Variants in KAZN observed in about 807,000 individuals in gnomAD.
KAZN encodes the protein kazrin.
KAZN carries 40 observed loss-of-function variants against 87.4 expected under a neutral mutation model. The ratio of observed to expected loss-of-function variants is 0.46; its 90% confidence interval spans 0.36 to 0.60. KAZN has a LOEUF of 0.60. Among genes scored for constraint, KAZN ranks in the 20% least tolerant of loss-of-function variants. KAZN has a pLI of 0.00. For synonymous variants in KAZN, 466 were observed against 458.3 expected, an observed-to-expected ratio of 1.02 and a Z score of -0.22; for missense variants, 898 against 1,073.9, an observed-to-expected ratio of 0.84 and a Z score of 2.29.
At chr1:14,110,221 A>C (rs1299320406) in intron 1 of KAZN, among the ~76,000 whole-genome samples, 2 of 152,288 alleles carry the variant, frequency 1.3e-5, no homozygotes, top group East Asian at 3.9e-4. Context: ...CGTTTCCTTC[A>C]CGTGCAAATT....
chr1:15,014,695 C>G (rs1669903107), intron 2 of KAZN, among the ~76,000 whole-genome samples: 1 of 151,974 alleles, frequency 6.6e-6, no homozygotes, highest in Admixed American at 6.6e-5. Context: ...ATACCTCTTG[C>G]TTAGAGCTAA....
chr1:14,364,412 A>G (rs1275378412), intron 2 of KAZN, among the ~76,000 whole-genome samples: 1 of 152,214 alleles, frequency 6.6e-6, no homozygotes, highest in East Asian at 1.9e-4. Flanking sequence ...TGAAGCATGC[A>G]GCATGAGCAC....
intron 1 of KAZN, among the ~76,000 whole-genome samples, chr1:14,788,157 T>C (rs1202052651): frequency 6.6e-6 from 1 of 152,138 alleles, no homozygotes; most frequent in Non-Finnish European, 1.5e-5. Flanking sequence ...TGCACCTGCC[T>C]GGGTTGCATG....
chr1:14,305,839 C>T (rs1338621529), intron 2 of KAZN, among the ~76,000 whole-genome samples: 1 of 152,114 alleles, frequency 6.6e-6, no homozygotes, highest in Admixed American at 6.5e-5. Flanking sequence ...TTATGGCTCA[C>T]ATATGTTTGC....
chr1:14,599,230 T>C lies in KAZN; in HGVS notation c.226+7T>C. 1 of 1,372,726 alleles carries C rather than the reference T, an allele frequency of 7.3e-7. No homozygotes were observed. Among genetic ancestry groups the C allele is most frequent in the Non-Finnish European group, 9.4e-7 (1 of 1,066,766 alleles). The allele number at this position is 1,372,726 out of a possible 1,614,324, so 85.0% of individuals were successfully genotyped here. On this transcript the variant is annotated splice_region_variant and intron_variant, in intron 1 of 14. Transcript: ENST00000376030. The surrounding 1 kb of genome is among the most constrained non-coding windows in gnomAD (Gnocchi z 4.4). ...CCCCAGCTTGGAGCGCAAGGTAGGA[T>C]CGCCCCGGCGCCCAGGGCGGAGGAA...
intron 2 of KAZN, among the ~76,000 whole-genome samples, chr1:14,430,929 C>T (rs919614408): frequency 5.3e-5 from 8 of 152,234 alleles, no homozygotes; most frequent in Non-Finnish European, 1.0e-4. Flanking sequence ...TCAGCTCTGT[C>T]GCCACAGCCT....
At chr1:14,112,134 C>G (rs1437683126) in intron 1 of KAZN, among the ~76,000 whole-genome samples, 1 of 86,220 alleles carries the variant, frequency 1.2e-5, no homozygotes, top group East Asian at 7.5e-4. Flanking sequence ...TGACTGCTGA[C>G]TTCTGACCCA....
At chr1:14,611,917 A>G (rs747966627) in intron 1 of KAZN, among the ~76,000 whole-genome samples, 4 of 152,234 alleles carry the variant, frequency 2.6e-5, no homozygotes, top group Non-Finnish European at 4.4e-5. Flanking sequence ...GCACTTCCTC[A>G]AATCTGCTGT....
At chr1:14,399,460 T>TA (rs1663196438) in intron 2 of KAZN, among the ~76,000 whole-genome samples, 1 of 152,108 alleles carries the variant, frequency 6.6e-6, no homozygotes, top group South Asian at 2.1e-4. Flanking sequence ...GATACCTTGA[T>TA]AGTCATTGGT....
intron 1 of KAZN, among the ~76,000 whole-genome samples, chr1:14,608,648 A>G (rs1677564921): frequency 6.6e-6 from 1 of 152,202 alleles, no homozygotes; most frequent in South Asian, 2.1e-4. Context: ...GAAGATGTGG[A>G]TGATACTGGG....
chr1:14,431,115 G>A (rs986841922), intron 2 of KAZN, among the ~76,000 whole-genome samples: 9 of 152,230 alleles, frequency 5.9e-5, no homozygotes, highest in African/African-American at 2.2e-4. Flanking sequence ...AAATGAATAC[G>A]CATATTGAAG....
chr1:15,026,519 AAGC>A (rs1163308672), intron 2 of KAZN, among the ~76,000 whole-genome samples: 1 of 152,084 alleles, frequency 6.6e-6, no homozygotes, highest in Admixed American at 6.6e-5. Context: ...CGGGGGAAAA[AAGC>A]AGCACCAGAA....
intron 2 of KAZN, among the ~76,000 whole-genome samples, chr1:14,401,780 GAATC>G (rs956489985): frequency 2.0e-5 from 3 of 152,058 alleles, no homozygotes; most frequent in East Asian, 1.9e-4. Context: ...AGTAGGTACA[GAATC>G]AATCATTAGT....
chr1:14,549,484 A>AC (rs1158420586), intron 2 of KAZN, among the ~76,000 whole-genome samples: 3 of 152,198 alleles, frequency 2.0e-5, no homozygotes, highest in Admixed American at 2.0e-4. Flanking sequence ...TGTGGCCCAG[A>AC]CACAGGATGG....
chr1:14,218,756 CTA>C (rs901203144), intron 2 of KAZN, among the ~76,000 whole-genome samples: 1 of 151,986 alleles, frequency 6.6e-6, no homozygotes, highest in Admixed American at 6.6e-5. Flanking sequence ...TCTGTCTTTT[CTA>C]TATGAGTTTC....
Position 15,063,359 on chromosome 1 carries a change from C to G in KAZN, c.1048-213C>G, listed in dbSNP as rs540416859. On this transcript the variant is annotated intron_variant, in intron 6 of 14. Transcript: ENST00000376030. ...GAGGCCAGACTGGGCAGGAGAGGACCCCAGGAACTCTAGGGAAACTCCAGG... is the reference window on the plus strand; with the variant it reads ...GAGGCCAGACTGGGCAGGAGAGGACGCCAGGAACTCTAGGGAAACTCCAGG... The G allele has an allele frequency of 4.5e-3, 2,649 of 588,642 alleles. 55 individuals carry two copies. The highest frequency in any genetic ancestry group is 0.034 in the South Asian group (1,698 of 49,926). 36.5% of individuals were successfully genotyped at this position (588,642 alleles called of 1,614,324 possible). A position where few individuals can be genotyped will look rare whatever the true frequency, so the allele number is the denominator to read the frequency against.
At chr1:14,665,947 A>G (rs937266446) in intron 1 of KAZN, among the ~76,000 whole-genome samples, 43 of 151,904 alleles carry the variant, frequency 2.8e-4, no homozygotes, top group African/African-American at 9.4e-4. Flanking sequence ...AAAAAAAAAA[A>G]AAAAAATAAC....
intron 1 of KAZN, among the ~76,000 whole-genome samples, chr1:14,125,544 G>T (rs1270423945): frequency 6.6e-6 from 1 of 152,132 alleles, no homozygotes. Context: ...GAGGCAGAGA[G>T]CTGGGGACTC....
chr1:14,681,655 A>ATG (rs1640649722), intron 1 of KAZN, among the ~76,000 whole-genome samples: 9 of 8,678 alleles, frequency 1.0e-3, no homozygotes, highest in African/African-American at 2.9e-3. Context: ...ATATATATAT[A>ATG]TATTTTTTTT....
Sources: allele counts gnomAD v4.1 joint callset (sites outside exome capture counted in the v4.1 genomes callset), GRCh38; gene constraint gnomAD v4.1.1; non-coding constraint Gnocchi (gnomAD v3.1); transcripts MANE v1.5; gene names NCBI Gene and HGNC (gene_info 2026-07-23, HGNC 2026-07-21).